TBC1D16: variants seen among roughly 807,000 people sequenced by gnomAD.
TBC1D16 encodes TBC1 domain family member 16, also known as CTD-2529O21.1.
Under a neutral mutation model 74.7 loss-of-function variants are expected in TBC1D16, and 58 were observed. The ratio of observed to expected loss-of-function variants is 0.78; its 90% CI spans 0.63 to 0.97. TBC1D16 has a LOEUF of 0.97. Ranked by LOEUF, TBC1D16 falls within the 50% of genes least tolerant of loss-of-function variation. The probability of loss-of-function intolerance (pLI) is 0.00; values close to 1 mark genes in which losing one functional copy is unlikely to be tolerated. For missense variants in TBC1D16, 1,014 were observed against 1,079.5 expected, an observed-to-expected ratio of 0.94 and a Z score of 0.85; for synonymous variants, 493 against 474.7, an observed-to-expected ratio of 1.04 and a Z score of -0.50.
intron 1 of TBC1D16, among the ~76,000 whole-genome samples, chr17:80,030,331 AC>A (rs1313423117): frequency 6.6e-6 from 1 of 152,012 alleles, no homozygotes; most frequent in Non-Finnish European, 1.5e-5. Flanking sequence ...TAGGATGAGG[AC>A]CGAGGCCTAG....
intron 1 of TBC1D16, among the ~76,000 whole-genome samples, chr17:80,023,657 G>GC (rs200450567): frequency 0.049 from 7,078 of 143,798 alleles, 299 homozygotes; most frequent in Middle Eastern, 0.084. Flanking sequence ...CTGCTGCCGG[G>GC]CCCCCCCCCA....
At position 79,949,772 on chromosome 17, in the gene TBC1D16, G is replaced by T; in HGVS notation, c.1351C>A (p.Arg451=). The change falls in exon 7 of 12, where the codon CGG becomes AGG. Residue 451 remains arginine, a synonymous_variant. Transcript: ENST00000310924. The stretch of plus-strand genomic sequence containing the variant: ...CGCTTCTGCAGCCGCAGCGCCTCCC[G>T]CTCCTCCGACGTGGACTCGTGGCTG... ...YYSHESTSEE[R]EALRLQKRKE... 6.2e-7 allele frequency: 1 copy of T among 1,613,536 alleles called. No homozygotes were observed.
intron 2 of TBC1D16, among the ~76,000 whole-genome samples, chr17:80,012,605 C>G (rs986419018): frequency 6.6e-6 from 1 of 151,854 alleles, no homozygotes. Flanking sequence ...GAGATGAAAT[C>G]TAACTCTGTT....
rs139212741 is a variant in TBC1D16 at position 80,034,257 on chromosome 17, A to G, written c.-63+1538T>C. Among the ~76,000 whole-genome samples the G allele has an allele frequency of 2.8e-3, 358 of 128,744 alleles. 2 individuals carry two copies. Among genetic ancestry groups the G allele is most frequent in the Middle Eastern group, 0.019 (3 of 154 alleles). 84.5% of individuals were successfully genotyped at this position (128,744 alleles called of 152,430 possible). ...TGCTCTATCACCCGGGCTGGGGTGCAGTTGCACATCTTGGCTCACTGCAAC... is the reference window on the plus strand; with the variant it reads ...TGCTCTATCACCCGGGCTGGGGTGCGGTTGCACATCTTGGCTCACTGCAAC... On this transcript the variant is annotated intron_variant, in intron 1 of 11. Coordinates refer to ENST00000310924, the MANE Select transcript of TBC1D16 (RefSeq NM_019020.4).
At chr17:79,951,672 T>C in intron 4 of TBC1D16, 75 bp from the exon 5 acceptor site, 2 of 1,537,338 alleles carry the variant, frequency 1.3e-6, no homozygotes, top group Non-Finnish European at 1.8e-6. Context: ...CCAAGTATAA[T>C]CAGAGGCCAC....
At chr17:79,952,607 G>A (rs1252764245) in intron 4 of TBC1D16, 50 bp downstream of exon 4, 3 of 1,546,008 alleles carry the variant, frequency 1.9e-6, no homozygotes, top group Admixed American at 1.8e-5. Context: ...GGCTGCCAGG[G>A]AAAACACACA....
chr17:79,972,101 A>G (rs1019349319), intron 3 of TBC1D16, among the ~76,000 whole-genome samples: 1 of 152,222 alleles, frequency 6.6e-6, no homozygotes, highest in African/African-American at 2.4e-5. Context: ...GTGTCCATCG[A>G]TGGGTGAATG....
At position 79,943,362 on chromosome 17, in the gene TBC1D16, G is replaced by T. The variant is rs1487842622; in HGVS notation, c.1909-1156C>A. Reference sequence around the variant, plus strand: ...ATGTGGGGAGGGAGAGGGAGGGCACGATCTCCACAGCCTGCACAGCATAGG... The same window carrying T: ...ATGTGGGGAGGGAGAGGGAGGGCACTATCTCCACAGCCTGCACAGCATAGG... On this transcript the variant is annotated intron_variant, in intron 10 of 11. Transcript: ENST00000310924. 2.6e-5 allele frequency among the ~76,000 whole-genome samples: 4 copies of T among 152,176 alleles called. No homozygotes were observed. In the South Asian group the frequency reaches 8.3e-4, roughly 32 times the overall value.
At chr17:80,024,668 A>G (rs1166394202) in intron 1 of TBC1D16, among the ~76,000 whole-genome samples, 1 of 1,216 alleles carries the variant, frequency 8.2e-4, no homozygotes, top group Non-Finnish European at 3.1e-3. Flanking sequence ...CACCATAGAC[A>G]CACAGACACA....
intron 3 of TBC1D16, among the ~76,000 whole-genome samples, chr17:79,989,016 C>A (rs1183622404): frequency 2.0e-5 from 3 of 152,206 alleles, no homozygotes; most frequent in African/African-American, 7.2e-5. Context: ...AAGGAAGTTT[C>A]TTAACTTGAA....
At chr17:79,976,571 C>T (rs1350993333) in intron 3 of TBC1D16, among the ~76,000 whole-genome samples, 4 of 152,140 alleles carry the variant, frequency 2.6e-5, no homozygotes, top group Admixed American at 6.5e-5. Flanking sequence ...GGAAACACAC[C>T]GTGCAAAGAC....
At chr17:80,023,236 G>A (rs2036345756) in intron 1 of TBC1D16, among the ~76,000 whole-genome samples, 1 of 150,070 alleles carries the variant, frequency 6.7e-6, no homozygotes, top group Admixed American at 6.6e-5. Flanking sequence ...TACGTTTTCA[G>A]AAATTCACCA....
intron 3 of TBC1D16, among the ~76,000 whole-genome samples, chr17:80,005,577 T>C (rs769180647): frequency 1.3e-5 from 2 of 152,150 alleles, no homozygotes; most frequent in Non-Finnish European, 2.9e-5. Flanking sequence ...CTCAGGGTCT[T>C]GGGGTCTCAG....
Position 79,986,504 on chromosome 17 carries a change from G to A in TBC1D16, c.779+23656C>T, listed in dbSNP as rs1232711027. Among the ~76,000 whole-genome samples the A allele has an allele frequency of 5.3e-5, 8 of 152,172 alleles. No homozygotes were observed. In the South Asian group the frequency reaches 8.3e-4, roughly 16 times the overall value. ...GCCCCTCCCTGCAGAGCAACCACGT[G>A]AGGACTCCCTACCCCAGGACCTTCC... On this transcript the variant is annotated intron_variant, in intron 3 of 11. Transcript: ENST00000310924. This position sits in a 1 kb window ranked among gnomAD's most constrained non-coding sequence, Gnocchi z 6.0.
In TBC1D16 at chr17:79,952,812, C is replaced by T. The variant is rs766883039; in HGVS notation, c.786G>A (p.Pro262=). Residue 262 remains proline (P), a synonymous_variant, in exon 4 of 12, where the codon CCG becomes CCA. Coordinates refer to ENST00000310924, the MANE Select transcript of TBC1D16 (RefSeq NM_019020.4). The part of the protein sequence containing the change: ...SVFLESDSSP[P]SSSDAGLRFP... ...ACCGCAGGCCGGCGTCGGAGCTGGA[C>T]GGGGGGCTGGTGGAACAGGTTATGT... The T allele has an allele frequency of 1.9e-5, 30 of 1,607,124 alleles. No individual in the cohort carries two copies. The Admixed American group carries it at 2.0e-4, about 11-fold the overall frequency.
At chr17:80,025,442 C>A (rs1357707121) in intron 1 of TBC1D16, among the ~76,000 whole-genome samples, 3 of 150,094 alleles carry the variant, frequency 2.0e-5, no homozygotes, top group Non-Finnish European at 4.4e-5. Context: ...GCAGGAAGTG[C>A]AGGCTCTGTG....
chr17:79,979,802 G>A lies in TBC1D16; in HGVS notation c.780-26984C>T, dbSNP rs887550625. Among the ~76,000 whole-genome samples, 4 of 151,900 alleles carry A rather than the reference G, an allele frequency of 2.6e-5. No individual in the cohort carries two copies. Among genetic ancestry groups the A allele is most frequent in the African/African-American group, 9.7e-5 (4 of 41,322 alleles). ...CTGACTAGAGAACCAAGCAGAGACT[G>A]AGGCCAGAGAATAACCAAGTAGCAA... is the stretch of plus-strand genomic sequence containing the variant. On this transcript the variant is annotated intron_variant, in intron 3 of 11. Coordinates refer to ENST00000310924, the MANE Select transcript of TBC1D16 (RefSeq NM_019020.4). This position sits in a 1 kb window ranked among gnomAD's most constrained non-coding sequence, Gnocchi z 4.8.
In TBC1D16 at chr17:79,937,425, C is replaced by G. The variant is rs947360911; in HGVS notation, c.*3434G>C. ...CTGCCCACCCCCGCCGAGCTTCACA[C>G]TGGGCTGCTATGGAAAACTGAAAGG... On this transcript the variant is annotated 3_prime_UTR_variant, in exon 12 of 12. Coordinates refer to ENST00000310924, the MANE Select transcript of TBC1D16 (RefSeq NM_019020.4). 6.6e-6 allele frequency: 1 copy of G among 152,516 alleles called. No individual in the cohort carries two copies. Among genetic ancestry groups the G allele is most frequent in the Admixed American group, 6.5e-5 (1 of 15,288 alleles). The allele number at this position is 152,516 out of a possible 1,614,324, so 9.4% of individuals were successfully genotyped here.
At chr17:80,030,458 A>C (rs2036736937) in intron 1 of TBC1D16, among the ~76,000 whole-genome samples, 1 of 152,160 alleles carries the variant, frequency 6.6e-6, no homozygotes, top group Admixed American at 6.5e-5. Flanking sequence ...CCTCCACCTA[A>C]GGTCTTAGTT....
Sources: allele counts gnomAD v4.1 joint callset (sites outside exome capture counted in the v4.1 genomes callset), GRCh38; gene constraint gnomAD v4.1.1; non-coding constraint Gnocchi (gnomAD v3.1); transcripts MANE v1.5; gene names NCBI Gene and HGNC (gene_info 2026-07-23, HGNC 2026-07-21).